VOPP1: variants seen among roughly 807,000 people sequenced by gnomAD.
VOPP1 encodes VOPP1 WW domain binding protein, also known as WW domain binding protein VOPP1.
Under a neutral mutation model 23.5 loss-of-function variants are expected in VOPP1, and 8 were observed. That is an observed-to-expected ratio of 0.34 (90% CI 0.20 to 0.61). The LOEUF (loss-of-function observed/expected upper bound fraction) is 0.61. Ranked by LOEUF, VOPP1 falls within the 20% of genes least tolerant of loss-of-function variation. The pLI is 0.78. For synonymous variants in VOPP1, 83 were observed against 97.3 expected, an observed-to-expected ratio of 0.85 and a Z score of 0.86; for missense variants, 174 against 238.1, an observed-to-expected ratio of 0.73 and a Z score of 1.77.
At chr7:55,557,770 A>G (rs1797857983) in intron 1 of VOPP1, among the ~76,000 whole-genome samples, 1 of 152,240 alleles carries the variant, frequency 6.6e-6, no homozygotes, top group Non-Finnish European at 1.5e-5. Context: ...ACACAACCAC[A>G]AGGGCAGGAC....
intron 4 of VOPP1, among the ~76,000 whole-genome samples, chr7:55,438,048 C>A (rs1790874903): frequency 6.6e-6 from 1 of 151,974 alleles, no homozygotes; most frequent in African/African-American, 2.4e-5. Context: ...ATTACAGGCG[C>A]CCCCAACCTC....
In VOPP1 at chr7:55,572,384, C is replaced by T. The variant is rs1798397691; in HGVS notation, c.-60G>A. 10 of 1,203,556 alleles carry T rather than the reference C, an allele frequency of 8.3e-6. No homozygotes were observed. The highest frequency in any genetic ancestry group is 8.1e-5 in the South Asian group (3 of 37,100). 74.6% of individuals were successfully genotyped at this position (1,203,556 alleles called of 1,614,324 possible). A position where few individuals can be genotyped will look rare whatever the true frequency, so the allele number is the denominator to read the frequency against. ...CGGGTCGCAGGCGCGCTTCGCGACTCGGCCCCCGCGCGGGGCGGGCGGGCA... is the reference window on the plus strand; with the variant it reads ...CGGGTCGCAGGCGCGCTTCGCGACTTGGCCCCCGCGCGGGGCGGGCGGGCA... On this transcript the variant is annotated 5_prime_UTR_variant, in exon 1 of 5. Coordinates refer to ENST00000285279, the MANE Select transcript of VOPP1 (RefSeq NM_030796.5).
At chr7:55,495,728 T>C (rs1333035581) in intron 3 of VOPP1, among the ~76,000 whole-genome samples, 1 of 152,206 alleles carries the variant, frequency 6.6e-6, no homozygotes, top group Non-Finnish European at 1.5e-5. Flanking sequence ...GACCCGATGT[T>C]GATTGAGAGA....
At chr7:55,522,475 C>T (rs925841079) in intron 1 of VOPP1, among the ~76,000 whole-genome samples, 1 of 152,182 alleles carries the variant, frequency 6.6e-6, no homozygotes, top group African/African-American at 2.4e-5. Flanking sequence ...TTTATTTTGG[C>T]ACAGAAGAGC....
At chr7:55,457,516 G>GT (rs1164346691) in intron 4 of VOPP1, among the ~76,000 whole-genome samples, 1 of 151,426 alleles carries the variant, frequency 6.6e-6, no homozygotes, top group African/African-American at 2.4e-5. Context: ...TTAGTGGTCA[G>GT]TTTTTTTGAG....
chr7:55,508,291 A>G (rs922430371), intron 2 of VOPP1, among the ~76,000 whole-genome samples: 47 of 152,146 alleles, frequency 3.1e-4, no homozygotes, highest in Admixed American at 1.1e-3. Flanking sequence ...GTTTTGACAC[A>G]AGGTCTCACT....
Position 55,521,087 on chromosome 7 carries a change from T to C in VOPP1, c.98A>G (p.Tyr33Cys). 1 of 1,582,342 alleles carries C rather than the reference T, an allele frequency of 6.3e-7. No homozygotes were observed. Among genetic ancestry groups the C allele is most frequent in the African/African-American group, 1.3e-5 (1 of 74,548 alleles). Residue 33 changes from tyrosine (Y) to cysteine (C), a missense_variant, in exon 2 of 5, where the codon TAT becomes TGT. By Grantham distance (194) the Tyr-to-Cys change is radical (BLOSUM62 -2). Transcript: ENST00000285279. ...KKHCWYFEGL[Y>C]PTYYICRSYE... ...AAATACTTACATATAATAGGTTGGA[T>C]AGAGTCCTTCGAAATACCAGCAATG... is the stretch of plus-strand genomic sequence containing the variant.
intron 4 of VOPP1, among the ~76,000 whole-genome samples, chr7:55,477,166 C>T (rs1336359696): frequency 6.6e-6 from 1 of 152,236 alleles, no homozygotes; most frequent in Non-Finnish European, 1.5e-5. Context: ...CCCAGCTGAG[C>T]AGGCACCCCT....
chr7:55,512,158 G>A (rs979323242), intron 2 of VOPP1, among the ~76,000 whole-genome samples: 7 of 152,188 alleles, frequency 4.6e-5, no homozygotes, highest in African/African-American at 1.7e-4. Flanking sequence ...TGGGAGCAGT[G>A]GCTCACACCT....
intron 1 of VOPP1, among the ~76,000 whole-genome samples, chr7:55,548,430 C>T (rs557023037): frequency 6.6e-6 from 1 of 152,212 alleles, no homozygotes; most frequent in Non-Finnish European, 1.5e-5. Flanking sequence ...CTCGGGGATA[C>T]CCCGGGGGAT....
chr7:55,505,005 CTTA>C (rs1455868266), intron 2 of VOPP1, among the ~76,000 whole-genome samples: 3 of 152,186 alleles, frequency 2.0e-5, no homozygotes, highest in Non-Finnish European at 4.4e-5. Flanking sequence ...GGACCTTATG[CTTA>C]TCCATAAAAA....
Position 55,451,519 on chromosome 7 carries a change from T to C in VOPP1, n.418-15345A>G, listed in dbSNP as rs546782423. Reference sequence around the variant, plus strand: ...AAAAATACTTTATTGTGGCCGGATGTAGTGGCTCACGCCTGTAATCCCAGC... The same window carrying C: ...AAAAATACTTTATTGTGGCCGGATGCAGTGGCTCACGCCTGTAATCCCAGC... On this transcript the variant is annotated intron_variant and non_coding_transcript_variant, in intron 4 of 4. Transcript: ENST00000462326. 2.0e-5 allele frequency among the ~76,000 whole-genome samples: 3 copies of C among 152,312 alleles called. No individual in the cohort carries two copies. The South Asian group carries it at 6.2e-4, about 32-fold the overall frequency.
intron 1 of VOPP1, among the ~76,000 whole-genome samples, chr7:55,529,238 G>C (rs377663054): frequency 6.6e-6 from 1 of 152,052 alleles, no homozygotes; most frequent in African/African-American, 2.4e-5. Flanking sequence ...GGTGGCGCTC[G>C]CCTGTAGTCT....
chr7:55,469,586 G>A (rs1434562875), downstream of VOPP1, among the ~76,000 whole-genome samples: 1 of 152,184 alleles, frequency 6.6e-6, no homozygotes, highest in African/African-American at 2.4e-5. Flanking sequence ...CAGCTGCAAG[G>A]GTGCAGAATA....
intron 4 of VOPP1, among the ~76,000 whole-genome samples, chr7:55,455,131 C>G: frequency 6.6e-6 from 1 of 152,164 alleles, no homozygotes; most frequent in East Asian, 1.9e-4. Flanking sequence ...AAAATCAACA[C>G]GCAAAAATCA....
At chr7:55,529,435 C>T (rs1372214349) in intron 1 of VOPP1, among the ~76,000 whole-genome samples, 1 of 150,898 alleles carries the variant, frequency 6.6e-6, no homozygotes, top group Non-Finnish European at 1.5e-5. Flanking sequence ...CAAGACCCAA[C>T]ACACATGTGC....
In VOPP1 at chr7:55,521,966, A is replaced by G; in HGVS notation, c.55-836T>C. 3 of 921,180 alleles carry G rather than the reference A, an allele frequency of 3.3e-6. No homozygotes were observed. In the East Asian group the frequency reaches 3.5e-4, roughly 108 times the overall value. 57.1% of individuals were successfully genotyped at this position (921,180 alleles called of 1,614,324 possible). A position where few individuals can be genotyped will look rare whatever the true frequency, so the allele number is the denominator to read the frequency against. On this transcript the variant is annotated intron_variant, in intron 1 of 4. Transcript: ENST00000285279. The stretch of plus-strand genomic sequence containing the variant: ...ACATTCACAACGTCCTACTTCCATG[A>G]TCTAGTTTATTGGCCCCCATGTGTA...
At chr7:55,442,652 C>CAAA (rs11302671) in intron 4 of VOPP1, among the ~76,000 whole-genome samples, 3 of 139,394 alleles carry the variant, frequency 2.2e-5, no homozygotes, top group Non-Finnish European at 1.6e-5. Context: ...TGAAGTAGAC[C>CAAA]AAAAAAAAAA....
At chr7:55,562,098 C>T (rs777097552) in intron 1 of VOPP1, 8 of 702,324 alleles carry the variant, frequency 1.1e-5, no homozygotes, top group South Asian at 8.9e-5. Context: ...GGTAATTGTT[C>T]GAAACTCCCT....
Sources: allele counts gnomAD v4.1 joint callset (sites outside exome capture counted in the v4.1 genomes callset), GRCh38; gene constraint gnomAD v4.1.1; transcripts MANE v1.5; gene names NCBI Gene and HGNC (gene_info 2026-07-23, HGNC 2026-07-21).